ZBTB7B: variants seen among roughly 807,000 people sequenced by gnomAD.
The protein encoded by ZBTB7B is zinc finger and BTB domain-containing protein 7B.
Under a neutral mutation model 31.0 loss-of-function variants are expected in ZBTB7B, and 8 were observed. That is an observed-to-expected ratio of 0.26 (90% confidence interval 0.15 to 0.47). ZBTB7B has a LOEUF of 0.47. ZBTB7B is among the 20% of genes least tolerant of loss of function. The pLI is 0.99. For missense variants in ZBTB7B, 494 were observed against 742.4 expected (o/e 0.67, Z 3.89); for synonymous variants, 261 against 307.3 (o/e 0.85, Z 1.58).
intron 1 of ZBTB7B, among the ~76,000 whole-genome samples, chr1:155,011,238 C>T (rs1290764815): frequency 6.6e-6 from 1 of 152,262 alleles, no homozygotes; most frequent in Non-Finnish European, 1.5e-5. Context: ...CAGTGTTGGC[C>T]TTCGTGGCCC....
In ZBTB7B at chr1:155,017,421, A is replaced by T. The variant is rs1320530365; in HGVS notation, c.*736A>T. The T allele has an allele frequency of 6.8e-6, 1 of 147,976 alleles. No individual in the cohort carries two copies. The highest frequency in any genetic ancestry group is 1.5e-5 in the Non-Finnish European group (1 of 65,944). The allele number at this position is 147,976 out of a possible 1,614,324, so 9.2% of individuals were successfully genotyped here. Reference sequence around the variant, plus strand: ...CTCCCCTCCCTAGCCCTCCCTCCCCACGGCCCTGGGCAGGGAATGTCTTGT... The same window carrying T: ...CTCCCCTCCCTAGCCCTCCCTCCCCTCGGCCCTGGGCAGGGAATGTCTTGT... On this transcript the variant is annotated 3_prime_UTR_variant, in exon 3 of 3. Transcript: ENST00000535420.
intron 1 of ZBTB7B, among the ~76,000 whole-genome samples, chr1:155,013,823 T>C (rs1404226626): frequency 7.9e-6 from 1 of 126,426 alleles, no homozygotes; most frequent in Non-Finnish European, 1.6e-5. Flanking sequence ...CAGCAAAGGG[T>C]GGCTGCTCCT....
chr1:155,011,843 G>A (rs1254917738), intron 1 of ZBTB7B, among the ~76,000 whole-genome samples: 1 of 152,210 alleles, frequency 6.6e-6, no homozygotes, highest in East Asian at 1.9e-4. Context: ...CAGAAAGAAG[G>A]GGGAGGCCTT....
chr1:155,013,559 T>C (rs576765733), intron 1 of ZBTB7B, among the ~76,000 whole-genome samples: 1 of 152,338 alleles, frequency 6.6e-6, no homozygotes, highest in East Asian at 1.9e-4. Context: ...TCTGCCAGCC[T>C]TGGTGCTCTG....
At position 155,017,363 on chromosome 1, in the gene ZBTB7B, G is replaced by GCCC. The variant is rs1553257658; in HGVS notation, c.*680_*682dup. 4 of 152,440 alleles carry GCCC rather than the reference G, an allele frequency of 2.6e-5. No homozygotes were observed. The highest frequency in any genetic ancestry group is 9.7e-5 in the African/African-American group (4 of 41,428). 9.4% of individuals were successfully genotyped at this position (152,440 alleles called of 1,614,324 possible). On this transcript the variant is annotated 3_prime_UTR_variant, in exon 3 of 3. Transcript: ENST00000535420. The stretch of plus-strand genomic sequence containing the variant: ...GCCTGCCCCTGGGGGCAGTAGAGGG[G>GCCC]CCCCGCCCAGCTAGGGGAGCCGCTC...
At chr1:155,007,503 C>T (rs976898222) in intron 1 of ZBTB7B, among the ~76,000 whole-genome samples, 4 of 152,206 alleles carry the variant, frequency 2.6e-5, no homozygotes, top group African/African-American at 9.7e-5. Flanking sequence ...CTGGCCCCCA[C>T]CCTGGGGTGT....
Position 155,015,811 on chromosome 1 carries a change from C to A in ZBTB7B, c.1151C>A (p.Thr384Asn). The A allele has an allele frequency of 6.2e-7, 1 of 1,607,772 alleles. No homozygotes were observed. The highest frequency in any genetic ancestry group is 8.5e-7 in the Non-Finnish European group (1 of 1,176,462). ...TGCGAGGTCTGCGGTGTTCGATTCA[C>A]CAGGTGAGCAGCAAGGGGGGAAGGG... Reference protein sequence around the residue: ...FACEVCGVRFTRNDKLKIHMR... With the variant: ...FACEVCGVRFNRNDKLKIHMR... Residue 384 changes from threonine to asparagine, a missense_variant, in exon 2 of 3, where the codon ACC becomes AAC. Around this residue, in one of 5 missense-constraint regions of ZBTB7B, gnomAD observed 61 missense variants for 170.0 expected, o/e 0.36. Transcript: ENST00000535420.
At position 155,018,462 on chromosome 1, in the gene ZBTB7B, C is replaced by A. The variant is rs376521847; in HGVS notation, c.*1777C>A. Reference sequence around the variant, plus strand: ...TCCCCCCCTCCTATTCCCTTCCCCCCACCCCAACTCCCCCACCTCGGGTGT... The same window carrying A: ...TCCCCCCCTCCTATTCCCTTCCCCCAACCCCAACTCCCCCACCTCGGGTGT... On this transcript the variant is annotated 3_prime_UTR_variant, in exon 3 of 3. Transcript: ENST00000535420. 24 of 1,392,738 alleles carry A rather than the reference C, an allele frequency of 1.7e-5. No individual in the cohort carries two copies. Among genetic ancestry groups the A allele is most frequent in the South Asian group, 9.4e-5 (7 of 74,378 alleles). 86.3% of individuals were successfully genotyped at this position (1,392,738 alleles called of 1,614,324 possible). A position where few individuals can be genotyped will look rare whatever the true frequency, so the allele number is the denominator to read the frequency against.
In ZBTB7B at chr1:155,014,696, A is replaced by T; in HGVS notation, c.36A>T (p.Pro12=). The T allele has an allele frequency of 6.2e-7, 1 of 1,614,038 alleles. No homozygotes were observed. Among genetic ancestry groups the T allele is most frequent in the Non-Finnish European group, 8.5e-7 (1 of 1,179,922 alleles). Residue 12 remains proline (P), a synonymous_variant, in exon 2 of 3, where the codon CCA becomes CCT. Transcript: ENST00000535420. ...GSPEDDLIGI[P]FPDHSSELLS... is the part of the protein sequence containing the mutation. ...CCGAGGATGACCTGATTGGGATTCC[A>T]TTCCCGGACCACAGCAGTGAGCTCC...
intron 1 of ZBTB7B, among the ~76,000 whole-genome samples, chr1:155,005,090 G>A (rs1658478656): frequency 1.3e-5 from 2 of 152,288 alleles, no homozygotes; most frequent in South Asian, 4.1e-4. Flanking sequence ...GCTCCTCCTT[G>A]GCCTAGTGCC....
chr1:155,001,773 C>A (rs898103375), upstream of ZBTB7B, among the ~76,000 whole-genome samples: 1 of 151,556 alleles, frequency 6.6e-6, no homozygotes, highest in Non-Finnish European at 1.5e-5. This position sits in a 1 kb window ranked among gnomAD's most constrained non-coding sequence, Gnocchi z 4.8. Context: ...GCCTGGGGCG[C>A]CCTTCCCTCC....
chr1:155,015,281 T>A lies in ZBTB7B; in HGVS notation c.621T>A (p.Ala207=). The change falls in exon 2 of 3, where the codon GCT becomes GCA. Residue 207 remains alanine, a synonymous_variant. Coordinates refer to ENST00000535420, the MANE Select transcript of ZBTB7B (RefSeq NM_001256455.2). The part of the protein sequence containing the change: ...VARRSRKPRK[A]FLQTKGARAN... Reference sequence around the variant, plus strand: ...GCCGCAGCCGCAAGCCCCGGAAAGCTTTCCTGCAAACCAAGGGGGCCAGAG... The same window carrying A: ...GCCGCAGCCGCAAGCCCCGGAAAGCATTCCTGCAAACCAAGGGGGCCAGAG... 6.2e-7 allele frequency: 1 copy of A among 1,613,360 alleles called. No individual in the cohort carries two copies. Among genetic ancestry groups the A allele is most frequent in the Non-Finnish European group, 8.5e-7 (1 of 1,179,698 alleles).
At chr1:155,011,061 T>A in intron 1 of ZBTB7B, 1 of 1,448,070 alleles carries the variant, frequency 6.9e-7, no homozygotes, top group Non-Finnish European at 9.4e-7. Flanking sequence ...CGTGCCTGTG[T>A]CCCAGGCCCA....
intron 1 of ZBTB7B, among the ~76,000 whole-genome samples, chr1:155,008,789 G>A (rs1044481038): frequency 1.3e-4 from 20 of 152,168 alleles, no homozygotes; most frequent in Non-Finnish European, 2.6e-4. Context: ...CAAGCTGGGG[G>A]GAGGGGGGAC....
rs1223506888 is a variant in ZBTB7B, at chr1:155,009,036, G to C, written c.-6-5619G>C. ...GGAGATCAGGCCCCAGGGGGGCTTG[G>C]AGGCCTAGAATTAGCCAAGGGTCAG... is the stretch of plus-strand genomic sequence containing the variant. On this transcript the variant is annotated intron_variant, in intron 1 of 2. Coordinates refer to ENST00000535420, the MANE Select transcript of ZBTB7B (RefSeq NM_001256455.2). 2.0e-5 allele frequency among the ~76,000 whole-genome samples: 3 copies of C among 152,368 alleles called. No individual in the cohort carries two copies. In the East Asian group the frequency reaches 5.8e-4, roughly 29 times the overall value.
Position 155,018,485 on chromosome 1 carries a change from T to G in ZBTB7B, c.*1800T>G. ...CCCACCCCAACTCCCCCACCTCGGG[T>G]GTAAGCGACAGGAAGAAATAATAAT... On this transcript the variant is annotated 3_prime_UTR_variant, in exon 3 of 3. Transcript: ENST00000535420. 1.2e-5 allele frequency: 18 copies of G among 1,443,490 alleles called. No homozygotes were observed. The highest frequency in any genetic ancestry group is 2.5e-5 in the East Asian group (1 of 39,232). The allele number at this position is 1,443,490 out of a possible 1,614,324, so 89.4% of individuals were successfully genotyped here.
chr1:155,009,466 A>C (rs2102285764), intron 1 of ZBTB7B, among the ~76,000 whole-genome samples: 1 of 152,220 alleles, frequency 6.6e-6, no homozygotes, highest in South Asian at 2.1e-4. Flanking sequence ...GTCCAGGCAG[A>C]CCCTGCTGAG....
intron 1 of ZBTB7B, among the ~76,000 whole-genome samples, chr1:155,009,778 C>A (rs1658824441): frequency 6.6e-6 from 1 of 152,150 alleles, no homozygotes; most frequent in South Asian, 2.1e-4. Context: ...TGATTTAATT[C>A]CTCTGCGGCT....
intron 1 of ZBTB7B, chr1:155,010,853 G>A: frequency 7.2e-7 from 1 of 1,383,042 alleles, no homozygotes. Context: ...AGGGGGAGGG[G>A]TGGCCAGCCA....
Sources: allele counts gnomAD v4.1 joint callset (sites outside exome capture counted in the v4.1 genomes callset), GRCh38; gene constraint gnomAD v4.1.1; regional missense constraint gnomAD v4.1.1; non-coding constraint Gnocchi (gnomAD v3.1); transcripts MANE v1.5; gene names NCBI Gene and HGNC (gene_info 2026-07-23, HGNC 2026-07-21).